The following RAB3C variants were observed in gnomAD, a reference collection of about 807,000 sequenced individuals.
RAB3C encodes the protein RAB3C, member RAS oncogene family, also known as ras-related protein Rab-3C.
Under a neutral mutation model 26.4 loss-of-function variants are expected in RAB3C, and 17 were observed. That is an observed-to-expected ratio of 0.64 (90% CI 0.44 to 0.97). RAB3C has a LOEUF of 0.97. RAB3C is among the 50% of genes least tolerant of loss of function. The pLI, the probability that RAB3C is intolerant of heterozygous loss-of-function variation, is 0.00. For synonymous variants in RAB3C, 91 were observed against 95.9 expected (o/e 0.95, Z 0.30); for missense variants, 242 against 281.9 (o/e 0.86, Z 1.01).
chr5:58,706,129 G>T (rs1321655160), intron 2 of RAB3C, among the ~76,000 whole-genome samples: 1 of 152,148 alleles, frequency 6.6e-6, no homozygotes, highest in African/African-American at 2.4e-5. Flanking sequence ...TAAAGGAGAT[G>T]GCAAGTACAG....
chr5:58,768,293 TG>T (rs1741951433), intron 3 of RAB3C, among the ~76,000 whole-genome samples: 1 of 152,140 alleles, frequency 6.6e-6, no homozygotes, highest in Non-Finnish European at 1.5e-5. Context: ...GCAATCACAA[TG>T]GCACCACTGA....
At chr5:58,819,009 G>GA (rs1372643346) in intron 3 of RAB3C, among the ~76,000 whole-genome samples, 5 of 152,144 alleles carry the variant, frequency 3.3e-5, no homozygotes, top group African/African-American at 1.2e-4. Context: ...CAAAATTTGA[G>GA]ACTCTTTAAT....
chr5:58,825,249 G>A (rs1166057928), intron 4 of RAB3C, 87 bp downstream of exon 4: 5 of 1,302,722 alleles, frequency 3.8e-6, no homozygotes, highest in African/African-American at 1.5e-5. Flanking sequence ...TTGTCAGGGT[G>A]GAGTTAATGA....
chr5:58,613,578 A>C (rs556762054), intron 1 of RAB3C, among the ~76,000 whole-genome samples: 15 of 152,272 alleles, frequency 9.9e-5, no homozygotes, highest in African/African-American at 3.6e-4. Context: ...AAAGGTTGAC[A>C]CTTTCATAAA....
intron 2 of RAB3C, among the ~76,000 whole-genome samples, chr5:58,632,375 C>T (rs1747201475): frequency 6.6e-6 from 1 of 152,160 alleles, no homozygotes; most frequent in African/African-American, 2.4e-5. Flanking sequence ...TTTTGAACCC[C>T]ATGTCAAGCC....
chr5:58,743,634 A>G (rs1453073349), intron 3 of RAB3C, among the ~76,000 whole-genome samples: 2 of 151,688 alleles, frequency 1.3e-5, no homozygotes, highest in Non-Finnish European at 2.9e-5. Context: ...TCATCATTCA[A>G]CTCCCACTTG....
intron 1 of RAB3C, among the ~76,000 whole-genome samples, chr5:58,599,319 C>T (rs1217365813): frequency 1.3e-5 from 2 of 152,170 alleles, no homozygotes; most frequent in African/African-American, 2.4e-5. Flanking sequence ...TGTCTGCCAT[C>T]CCAGGACTGC....
At chr5:58,756,497 C>A (rs1741667073) in intron 3 of RAB3C, among the ~76,000 whole-genome samples, 1 of 150,088 alleles carries the variant, frequency 6.7e-6, no homozygotes, top group Non-Finnish European at 1.5e-5. Context: ...GTTTGCTCCA[C>A]CTATTAACCC....
intron 2 of RAB3C, among the ~76,000 whole-genome samples, chr5:58,702,912 C>T (rs144673068): frequency 6.6e-6 from 1 of 152,030 alleles, no homozygotes; most frequent in African/African-American, 2.4e-5. Flanking sequence ...AATTTTGGAA[C>T]CTGTTGGGAT....
chr5:58,705,397 A>G (rs1748924221), intron 2 of RAB3C, among the ~76,000 whole-genome samples: 1 of 152,132 alleles, frequency 6.6e-6, no homozygotes, highest in Non-Finnish European at 1.5e-5. Flanking sequence ...GTTTTGCAAT[A>G]CTGTTATTAA....
At chr5:58,613,526 G>A (rs776956737) in intron 1 of RAB3C, among the ~76,000 whole-genome samples, 4 of 152,030 alleles carry the variant, frequency 2.6e-5, no homozygotes, top group Non-Finnish European at 5.9e-5. Flanking sequence ...CAATTGAATT[G>A]TAAATCAAAG....
In RAB3C at chr5:58,601,602, A is replaced by G. The variant is rs572725782; in HGVS notation, c.25-16041A>G. On this transcript the variant is annotated intron_variant, in intron 1 of 4. Coordinates refer to ENST00000282878, the MANE Select transcript of RAB3C (RefSeq NM_138453.4). The stretch of plus-strand genomic sequence containing the variant: ...TTGTATTTTTTCCAGGAATTTATCC[A>G]TCTCTTCTAAGTTTTCCAGTTTACG... Among the ~76,000 whole-genome samples the G allele has an allele frequency of 1.8e-3, 268 of 152,076 alleles. 2 individuals are homozygous for G. The highest frequency in any genetic ancestry group is 4.8e-3 in the African/African-American group (200 of 41,502).
intron 2 of RAB3C, among the ~76,000 whole-genome samples, chr5:58,656,011 TC>T (rs1747764412): frequency 6.6e-6 from 1 of 152,022 alleles, no homozygotes; most frequent in South Asian, 2.1e-4. Context: ...GGTCTCGATC[TC>T]CTGACCTCGT....
chr5:58,812,990 A>G (rs1743123075), intron 3 of RAB3C, among the ~76,000 whole-genome samples: 1 of 152,178 alleles, frequency 6.6e-6, no homozygotes, highest in Non-Finnish European at 1.5e-5. Context: ...ATTAGGTACA[A>G]AAACTGGAAC....
At chr5:58,691,610 C>G in intron 2 of RAB3C, among the ~76,000 whole-genome samples, 1 of 152,096 alleles carries the variant, frequency 6.6e-6, no homozygotes, top group East Asian at 1.9e-4. Flanking sequence ...TGAGACGGAA[C>G]AGTCTTGGTA....
intron 3 of RAB3C, among the ~76,000 whole-genome samples, chr5:58,802,077 A>G (rs929891571): frequency 2.0e-5 from 3 of 151,624 alleles, no homozygotes; most frequent in Non-Finnish European, 2.9e-5. Context: ...CATTAGAGTA[A>G]TATAACTAAG....
At chr5:58,635,641 G>C (rs1747274979) in intron 2 of RAB3C, among the ~76,000 whole-genome samples, 1 of 152,176 alleles carries the variant, frequency 6.6e-6, no homozygotes, top group Admixed American at 6.5e-5. Context: ...TACATCGTCA[G>C]ATTCTTTCTT....
intron 2 of RAB3C, among the ~76,000 whole-genome samples, chr5:58,646,747 A>G (rs1747529171): frequency 6.6e-6 from 1 of 152,178 alleles, no homozygotes; most frequent in African/African-American, 2.4e-5. Flanking sequence ...TTGTGGGGGC[A>G]GGGAAAGCCG....
intron 3 of RAB3C, among the ~76,000 whole-genome samples, chr5:58,774,701 G>T (rs923926410): frequency 1.3e-5 from 2 of 152,126 alleles, no homozygotes; most frequent in African/African-American, 4.8e-5. Context: ...AAATAAAGCA[G>T]CTAGATATAG....
Sources: allele counts gnomAD v4.1 joint callset (sites outside exome capture counted in the v4.1 genomes callset), GRCh38; gene constraint gnomAD v4.1.1; transcripts MANE v1.5; gene names NCBI Gene and HGNC (gene_info 2026-07-23, HGNC 2026-07-21).